OPCML: variants seen among roughly 807,000 people sequenced by gnomAD.
OPCML encodes the protein opioid-binding protein/cell adhesion molecule.
Under a neutral mutation model 37.8 loss-of-function variants are expected in OPCML, and 13 were observed. The ratio of observed to expected loss-of-function variants is 0.34; its 90% CI spans 0.22 to 0.55. OPCML has a LOEUF of 0.55. Ranked by LOEUF, OPCML falls within the 20% of genes least tolerant of loss-of-function variation. The probability of loss-of-function intolerance (pLI) is 0.91; values close to 1 mark genes in which losing one functional copy is unlikely to be tolerated. For missense variants in OPCML, 341 were observed against 435.6 expected, an observed-to-expected ratio of 0.78 and a Z score of 1.93; for synonymous variants, 176 against 168.8, an observed-to-expected ratio of 1.04 and a Z score of -0.33.
At chr11:132,849,781 T>C (rs1941716794) in intron 2 of OPCML, among the ~76,000 whole-genome samples, 1 of 152,122 alleles carries the variant, frequency 6.6e-6, no homozygotes, top group South Asian at 2.1e-4. Context: ...AGAGTGGGCA[T>C]GGGGTCAGCC....
At chr11:133,271,145 G>A (rs1041645608) in intron 1 of OPCML, among the ~76,000 whole-genome samples, 1 of 152,110 alleles carries the variant, frequency 6.6e-6, no homozygotes, top group African/African-American at 2.4e-5. Flanking sequence ...TACCCTTTGT[G>A]CGTCTAAATT....
intron 1 of OPCML, among the ~76,000 whole-genome samples, chr11:133,037,222 C>T (rs761310217): frequency 5.3e-5 from 8 of 152,152 alleles, no homozygotes; most frequent in South Asian, 2.1e-4. Flanking sequence ...CAAAGTTAGT[C>T]GGATCACCAC....
chr11:133,236,327 C>T lies in OPCML; in HGVS notation c.62-293317G>A, dbSNP rs146892919. Among the ~76,000 whole-genome samples the T allele has an allele frequency of 1.9e-4, 29 of 152,262 alleles. No individual in the cohort carries two copies. In the East Asian group the frequency reaches 5.6e-3, roughly 29 times the overall value. ...GATGGCACAGGACGGCACGAGGTCT[C>T]ATCATGCTACGTAGAATCGCACAAA... is the stretch of plus-strand genomic sequence containing the variant. On this transcript the variant is annotated intron_variant, in intron 1 of 7. Coordinates refer to ENST00000524381, the MANE Select transcript of OPCML (RefSeq NM_001012393.5).
intron 1 of OPCML, among the ~76,000 whole-genome samples, chr11:133,040,887 G>T (rs1947880003): frequency 6.6e-6 from 1 of 152,106 alleles, no homozygotes; most frequent in Non-Finnish European, 1.5e-5. Context: ...TAAAAGCAAC[G>T]ATACCTGTAG....
At chr11:132,447,464 A>AT (rs537083917) in intron 4 of OPCML, among the ~76,000 whole-genome samples, 6,455 of 142,562 alleles carry the variant, frequency 0.045, 152 homozygotes, top group South Asian at 0.069. Flanking sequence ...TGCCCAGTTA[A>AT]TTTTTTTTTT....
chr11:133,365,005 A>T (rs754893657), intron 1 of OPCML, among the ~76,000 whole-genome samples: 13 of 151,682 alleles, frequency 8.6e-5, no homozygotes, highest in South Asian at 8.4e-4. Flanking sequence ...TTTCATCAAC[A>T]TGACTCTCCC....
Position 132,761,998 on chromosome 11 carries a change from G to T in OPCML, c.147-104679C>A, listed in dbSNP as rs142595113. ...TGACCTTTGGATGGGTTTTTGCGTG[G>T]GTGTCTTTTTTGTTGATGTTGATGC... On this transcript the variant is annotated intron_variant, in intron 2 of 7. Transcript: ENST00000524381. Among the ~76,000 whole-genome samples the T allele has an allele frequency of 9.4e-3, 1,436 of 152,116 alleles. 98 individuals carry two copies. The highest frequency in any genetic ancestry group is 0.081 in the Admixed American group (1,240 of 15,278).
At chr11:133,401,958 T>G (rs1039912200) in intron 1 of OPCML, among the ~76,000 whole-genome samples, 1 of 152,168 alleles carries the variant, frequency 6.6e-6, no homozygotes, top group African/African-American at 2.4e-5. Context: ...GTGCTGATTG[T>G]CAATCTTGAA....
At chr11:133,325,160 A>G (rs1943418568) in intron 1 of OPCML, among the ~76,000 whole-genome samples, 1 of 152,196 alleles carries the variant, frequency 6.6e-6, no homozygotes, top group Non-Finnish European at 1.5e-5. Flanking sequence ...TTCCTAATGG[A>G]AGCTCTGGTA....
At chr11:132,779,654 ACT>A (rs1251430941) in intron 2 of OPCML, among the ~76,000 whole-genome samples, 5 of 151,976 alleles carry the variant, frequency 3.3e-5, no homozygotes, top group African/African-American at 1.2e-4. Context: ...GACTGCCCAG[ACT>A]CTCTGCATGC....
intron 1 of OPCML, among the ~76,000 whole-genome samples, chr11:133,182,728 G>C (rs1202080671): frequency 6.6e-6 from 1 of 152,174 alleles, no homozygotes; most frequent in Non-Finnish European, 1.5e-5. Flanking sequence ...AAATGGGAAA[G>C]CATGTTCCTG....
At position 132,951,330 on chromosome 11, in the gene OPCML, T is replaced by C. The variant is rs193002394; in HGVS notation, c.62-8320A>G. ...TGAGATCAGGGTGCCAGCGTGAACATGCTCCGACGAGGGCTCTCTTTCTGG... is the reference window on the plus strand; with the variant it reads ...TGAGATCAGGGTGCCAGCGTGAACACGCTCCGACGAGGGCTCTCTTTCTGG... On this transcript the variant is annotated intron_variant, in intron 1 of 7. Coordinates refer to ENST00000524381, the MANE Select transcript of OPCML (RefSeq NM_001012393.5). 4.6e-5 allele frequency among the ~76,000 whole-genome samples: 7 copies of C among 152,320 alleles called. No homozygotes were observed. The East Asian group carries it at 1.4e-3, about 29-fold the overall frequency.
chr11:133,084,068 ATTT>A (rs112976095), intron 1 of OPCML, among the ~76,000 whole-genome samples: 1 of 148,892 alleles, frequency 6.7e-6, no homozygotes, highest in African/African-American at 2.5e-5. Context: ...CTCTCTTGAC[ATTT>A]TTTTTTTAAC....
chr11:132,876,360 G>C (rs895434244), intron 2 of OPCML, among the ~76,000 whole-genome samples: 1 of 152,178 alleles, frequency 6.6e-6, no homozygotes, highest in African/African-American at 2.4e-5. Flanking sequence ...TTTATGATCT[G>C]AGTTCAGGGC....
intron 1 of OPCML, among the ~76,000 whole-genome samples, chr11:133,021,869 GCTGAGCCCCGTGCTA>G (rs764275344): frequency 8.5e-4 from 130 of 152,238 alleles, no homozygotes; most frequent in Non-Finnish European, 1.6e-3. Context: ...ACGGCAGTGT[GCTGAGCCCCGTGCTA>G]CAGAGCAAAG....
At chr11:132,933,484 G>T (rs2136639871) in intron 2 of OPCML, among the ~76,000 whole-genome samples, 1 of 152,256 alleles carries the variant, frequency 6.6e-6, no homozygotes, top group Admixed American at 6.5e-5. Context: ...CTCAACTAGG[G>T]TTCAAATGCC....
chr11:132,728,080 G>C (rs548733080), intron 2 of OPCML, among the ~76,000 whole-genome samples: 2 of 152,352 alleles, frequency 1.3e-5, no homozygotes, highest in Admixed American at 1.3e-4. Context: ...TTGATTTACA[G>C]GGTAAACTGG....
At chr11:132,444,365 T>A in intron 4 of OPCML, among the ~76,000 whole-genome samples, 1 of 152,170 alleles carries the variant, frequency 6.6e-6, no homozygotes, top group East Asian at 1.9e-4. Flanking sequence ...CTCCATCACA[T>A]ACCTCCTGAT....
At chr11:132,837,072 T>C (rs933073045) in intron 2 of OPCML, among the ~76,000 whole-genome samples, 17 of 152,132 alleles carry the variant, frequency 1.1e-4, no homozygotes, top group African/African-American at 4.1e-4. Flanking sequence ...CCCAGCACTT[T>C]GAAAGGCCAA....
Sources: gnomAD v4.1 joint callset for allele counts (sites outside exome capture counted in the v4.1 genomes callset) on GRCh38, gnomAD v4.1.1 for gene constraint, MANE v1.5 for transcripts, NCBI Gene and HGNC (gene_info 2026-07-23, HGNC 2026-07-21) for gene names.